AGPAT3: variants seen among roughly 807,000 people sequenced by gnomAD.
AGPAT3 encodes 1-acylglycerol-3-phosphate O-acyltransferase 3, also known as 1-acyl-sn-glycerol-3-phosphate acyltransferase gamma.
AGPAT3 carries 5 observed loss-of-function variants against 47.3 expected under a neutral mutation model. The observed-to-expected ratio is 0.11, with a 90% confidence interval of 0.06 to 0.22. AGPAT3 has a LOEUF of 0.22. Ranked by LOEUF, AGPAT3 falls within the 10% of genes least tolerant of loss-of-function variation. AGPAT3 has a pLI of 1.00. For missense variants in AGPAT3, 315 were observed against 493.0 expected (o/e 0.64, Z 3.42); for synonymous variants, 212 against 208.3 (o/e 1.02, Z -0.15).
At chr21:43,899,738 CGT>C (rs1396248009) in intron 1 of AGPAT3, among the ~76,000 whole-genome samples, 1 of 151,954 alleles carries the variant, frequency 6.6e-6, no homozygotes, top group South Asian at 2.1e-4. Flanking sequence ...GGCATCACCT[CGT>C]GTGTGTGTGT....
intron 1 of AGPAT3, among the ~76,000 whole-genome samples, chr21:43,873,491 C>T (rs1421784246): frequency 6.6e-6 from 1 of 152,198 alleles, no homozygotes; most frequent in Non-Finnish European, 1.5e-5. Flanking sequence ...GATTCTCCTG[C>T]CTCAGCCTCC....
At chr21:43,887,633 A>G (rs1569046542) in intron 1 of AGPAT3, among the ~76,000 whole-genome samples, 3 of 152,200 alleles carry the variant, frequency 2.0e-5, no homozygotes, top group African/African-American at 4.8e-5. Context: ...TAATTCTAAT[A>G]TAGGTAGTTG....
chr21:43,880,884 T>C lies in AGPAT3; in HGVS notation c.-112+15539T>C, dbSNP rs1167263826. ...GAATTGGACACGTGACAGGTGGCAATATGTTAACTGTTCGTAGCAAGGAAG... is the reference window on the plus strand; with the variant it reads ...GAATTGGACACGTGACAGGTGGCAACATGTTAACTGTTCGTAGCAAGGAAG... On this transcript the variant is annotated intron_variant, in intron 1 of 9. Transcript: ENST00000291572. This position sits in a 1 kb window ranked among gnomAD's most constrained non-coding sequence, Gnocchi z 4.5. Among the ~76,000 whole-genome samples the C allele has an allele frequency of 6.6e-6, 1 of 152,130 alleles. No homozygotes were observed. The highest frequency in any genetic ancestry group is 2.4e-5 in the African/African-American group (1 of 41,406).
At chr21:43,877,499 A>G (rs1012739258) in intron 1 of AGPAT3, among the ~76,000 whole-genome samples, 1 of 151,892 alleles carries the variant, frequency 6.6e-6, no homozygotes, top group African/African-American at 2.4e-5. Flanking sequence ...CTGGAGTACA[A>G]TGGTGCCATG....
At position 43,933,080 on chromosome 21, in the gene AGPAT3, T is replaced by A. The variant is rs2087310547; in HGVS notation, c.-48-26554T>A. Among the ~76,000 whole-genome samples, 1 of 152,222 alleles carries A rather than the reference T, an allele frequency of 6.6e-6. No homozygotes were observed. Among genetic ancestry groups the A allele is most frequent in the Non-Finnish European group, 1.5e-5 (1 of 68,040 alleles). On this transcript the variant is annotated intron_variant, in intron 2 of 9. Coordinates refer to ENST00000291572, the MANE Select transcript of AGPAT3 (RefSeq NM_020132.5). The surrounding 1 kb of genome is among the most constrained non-coding windows in gnomAD (Gnocchi z 6.0). ...GCGTTCTCGTCAACACCTGTTACATTCGTCTTTTTGATAATAGCCAACTGA... is the reference window on the plus strand; with the variant it reads ...GCGTTCTCGTCAACACCTGTTACATACGTCTTTTTGATAATAGCCAACTGA...
At chr21:43,956,984 G>C (rs1022128030) in intron 2 of AGPAT3, among the ~76,000 whole-genome samples, 2 of 152,182 alleles carry the variant, frequency 1.3e-5, no homozygotes, top group African/African-American at 2.4e-5. Context: ...ACCTTTCGAG[G>C]GGAGGAGCGA....
chr21:43,886,616 A>G (rs2085984984), intron 1 of AGPAT3, among the ~76,000 whole-genome samples: 1 of 151,964 alleles, frequency 6.6e-6, no homozygotes, highest in African/African-American at 2.4e-5. Context: ...CTCTACCCCC[A>G]TATCCTTCCC....
chr21:43,938,699 C>T (rs1377833652), intron 2 of AGPAT3, among the ~76,000 whole-genome samples: 6 of 152,214 alleles, frequency 3.9e-5, no homozygotes, highest in African/African-American at 1.2e-4. Flanking sequence ...GTTGCCTTAC[C>T]GTGTTTGTTA....
At chr21:43,882,029 G>A (rs1174946554) in intron 1 of AGPAT3, among the ~76,000 whole-genome samples, 1 of 152,268 alleles carries the variant, frequency 6.6e-6, no homozygotes, top group Non-Finnish European at 1.5e-5. Context: ...GTTGCACACA[G>A]GCCGGCATTT....
chr21:43,923,117 C>G (rs1569066258), intron 2 of AGPAT3, among the ~76,000 whole-genome samples: 2 of 152,084 alleles, frequency 1.3e-5, no homozygotes, highest in African/African-American at 2.4e-5. Flanking sequence ...GGATGGAATC[C>G]AGCCAGGCGT....
intron 2 of AGPAT3, among the ~76,000 whole-genome samples, chr21:43,951,480 T>A (rs1014846251): frequency 6.6e-6 from 1 of 152,080 alleles, no homozygotes; most frequent in Admixed American, 6.6e-5. Flanking sequence ...ATTCCAGGGT[T>A]TGGGAGCATC....
At chr21:43,968,650 C>T (rs1284080205) in intron 4 of AGPAT3, among the ~76,000 whole-genome samples, 5 of 152,018 alleles carry the variant, frequency 3.3e-5, no homozygotes, top group African/African-American at 1.2e-4. Context: ...GGCCCTGGCC[C>T]GCAGGGCCTC....
rs571319173 is a variant in AGPAT3, at chr21:43,922,240, C to T, written c.-49+18221C>T. 3.0e-4 allele frequency among the ~76,000 whole-genome samples: 45 copies of T among 152,014 alleles called. No homozygotes were observed. The highest frequency in any genetic ancestry group is 3.4e-3 in the Middle Eastern group (1 of 294). On this transcript the variant is annotated intron_variant, in intron 2 of 9. Transcript: ENST00000291572. This position sits in a 1 kb window ranked among gnomAD's most constrained non-coding sequence, Gnocchi z 4.9. ...ATCAGGGCCTTTCTCAGCCTGGGGA[C>T]GAGGAGTGGATGTGACGGAGGAGGC... is the stretch of plus-strand genomic sequence containing the variant.
chr21:43,968,449 G>A (rs1177228860), intron 4 of AGPAT3, among the ~76,000 whole-genome samples: 1 of 151,648 alleles, frequency 6.6e-6, no homozygotes, highest in Non-Finnish European at 1.5e-5. Context: ...GCCCTGGGTG[G>A]GGGAGGTACT....
intron 1 of AGPAT3, among the ~76,000 whole-genome samples, chr21:43,891,870 C>T (rs1004730713): frequency 3.8e-4 from 58 of 152,154 alleles, no homozygotes; most frequent in African/African-American, 1.2e-3. Flanking sequence ...ATGAATCATG[C>T]GTCTTCTTAA....
At chr21:43,918,512 CAG>C (rs1159691000) in intron 2 of AGPAT3, among the ~76,000 whole-genome samples, 2 of 151,274 alleles carry the variant, frequency 1.3e-5, no homozygotes, top group Admixed American at 6.6e-5. Context: ...AATTTAGAAA[CAG>C]AAAAATGGGG....
intron 1 of AGPAT3, among the ~76,000 whole-genome samples, chr21:43,879,562 G>A (rs1433856644): frequency 6.6e-6 from 1 of 151,978 alleles, no homozygotes; most frequent in Non-Finnish European, 1.5e-5. Flanking sequence ...GGGTCGTGGG[G>A]GTGTGGCCCA....
intron 2 of AGPAT3, among the ~76,000 whole-genome samples, chr21:43,953,711 G>A (rs1001890847): frequency 6.6e-6 from 1 of 152,234 alleles, no homozygotes; most frequent in Non-Finnish European, 1.5e-5. Context: ...AATGGTGGCT[G>A]TCAAATCATG....
intron 1 of AGPAT3, among the ~76,000 whole-genome samples, chr21:43,890,437 G>C (rs1004661369): frequency 2.6e-5 from 4 of 152,034 alleles, no homozygotes; most frequent in African/African-American, 9.7e-5. Flanking sequence ...TTTTAAGACA[G>C]GGTCTTGCTC....
Sources: allele counts gnomAD v4.1 joint callset (sites outside exome capture counted in the v4.1 genomes callset), GRCh38; gene constraint gnomAD v4.1.1; non-coding constraint Gnocchi (gnomAD v3.1); transcripts MANE v1.5; gene names NCBI Gene and HGNC (gene_info 2026-07-23, HGNC 2026-07-21).